The following NAV3 variants were observed in gnomAD, a reference collection of about 807,000 sequenced individuals.
NAV3 encodes pore membrane and/or filament interacting like protein 1.
Under a neutral mutation model 244.7 loss-of-function variants are expected in NAV3, and 87 were observed. That is an observed-to-expected ratio of 0.36 (90% CI 0.30 to 0.42). NAV3 has a LOEUF of 0.42. Among genes scored for constraint, NAV3 ranks in the 20% least tolerant of loss-of-function variants. NAV3 has a pLI of 1.00. For missense variants in NAV3, 2,663 were observed against 2,893.3 expected (o/e 0.92, Z 1.83); for synonymous variants, 1,126 against 1,042.2 (o/e 1.08, Z -1.55).
At chr12:78,003,905 T>A (rs1418332200) in intron 7 of NAV3, among the ~76,000 whole-genome samples, 5 of 152,166 alleles carry the variant, frequency 3.3e-5, no homozygotes, top group African/African-American at 1.2e-4. Context: ...TAAAGTGTCT[T>A]GTGTGATGTT....
At chr12:77,871,798 T>C (rs1881010221) in intron 1 of NAV3, among the ~76,000 whole-genome samples, 1 of 152,212 alleles carries the variant, frequency 6.6e-6, no homozygotes, top group Non-Finnish European at 1.5e-5. Context: ...ATTGGGTACG[T>C]ACCCAGTAAT....
intron 2 of NAV3, among the ~76,000 whole-genome samples, chr12:77,685,258 G>A (rs1220213679): frequency 1.3e-5 from 2 of 152,176 alleles, no homozygotes; most frequent in South Asian, 2.1e-4. Context: ...TAAGCGGTGT[G>A]TAACATGCCA....
rs748614791 is a variant in NAV3 at position 78,118,007 on chromosome 12, T to C, written c.2770-20T>C. ...TAAATTTTTCTACATAAAGTTTTTC[T>C]GTAATATTTGTCTTTATAGCTGAGG... On this transcript the variant is annotated intron_variant, in intron 13 of 39. Coordinates refer to ENST00000397909, the MANE Select transcript of NAV3 (RefSeq NM_001024383.2). 1 of 1,533,434 alleles carries C rather than the reference T, an allele frequency of 6.5e-7. No homozygotes were observed. The highest frequency in any genetic ancestry group is 8.8e-7 in the Non-Finnish European group (1 of 1,137,700). 95.0% of individuals were successfully genotyped at this position (1,533,434 alleles called of 1,614,324 possible). A position where few individuals can be genotyped will look rare whatever the true frequency, so the allele number is the denominator to read the frequency against.
chr12:77,885,239 CTATT>C (rs1377414618), intron 1 of NAV3, among the ~76,000 whole-genome samples: 1 of 152,006 alleles, frequency 6.6e-6, no homozygotes, highest in Admixed American at 6.6e-5. Flanking sequence ...TTGAGTGTCT[CTATT>C]TATGTCACAG....
chr12:78,160,400 C>CTGTGT (rs1565740214), intron 23 of NAV3, among the ~76,000 whole-genome samples: 3 of 139,210 alleles, frequency 2.2e-5, no homozygotes, highest in Non-Finnish European at 4.6e-5. Flanking sequence ...TGTGTGTGTG[C>CTGTGT]GTGCGTGTGT....
At position 77,652,624 on chromosome 12, in the gene NAV3, TGC is replaced by T. The variant is rs148878986; in HGVS notation, c.72+80359_72+80360del. 4.5e-3 allele frequency among the ~76,000 whole-genome samples: 687 copies of T among 152,314 alleles called. 5 individuals are homozygous for T. The highest frequency in any genetic ancestry group is 0.016 in the African/African-American group (661 of 41,572). On this transcript the variant is annotated intron_variant, in intron 2 of 8. Transcript: ENST00000550042. The stretch of plus-strand genomic sequence containing the variant: ...CCCAAATTCATATGTCCAGATTCAT[TGC>T]CATTAAAGACTTAACTAAATACCTG...
chr12:77,871,429 C>T (rs1880937550), intron 1 of NAV3, among the ~76,000 whole-genome samples: 2 of 152,048 alleles, frequency 1.3e-5, no homozygotes, highest in Admixed American at 1.3e-4. Flanking sequence ...TTAATGTTAT[C>T]CCTCCCCTAA....
intron 2 of NAV3, among the ~76,000 whole-genome samples, chr12:77,755,274 G>A (rs1478609544): frequency 1.3e-5 from 2 of 151,808 alleles, no homozygotes; most frequent in African/African-American, 4.8e-5. Context: ...CTAGTTTATA[G>A]CTTTCTAATA....
intron 20 of NAV3, chr12:78,145,018 A>G (rs903209327): frequency 4.2e-5 from 12 of 287,530 alleles, no homozygotes; most frequent in Admixed American, 9.4e-5. Context: ...ACATAGTTAC[A>G]TAGTTAATTG....
At chr12:77,906,976 A>ATC (rs1886049130) in intron 1 of NAV3, among the ~76,000 whole-genome samples, 1 of 152,110 alleles carries the variant, frequency 6.6e-6, no homozygotes. Flanking sequence ...ATCCTGGTCT[A>ATC]TCTATATGGC....
chr12:78,115,586 T>G (rs1343157609), intron 12 of NAV3, among the ~76,000 whole-genome samples: 1 of 152,226 alleles, frequency 6.6e-6, no homozygotes, highest in African/African-American at 2.4e-5. Context: ...AAATAAGTAG[T>G]CATGTGCCAC....
At chr12:77,691,749 C>A (rs1875043388) in intron 2 of NAV3, among the ~76,000 whole-genome samples, 1 of 151,318 alleles carries the variant, frequency 6.6e-6, no homozygotes, top group African/African-American at 2.4e-5. Context: ...AGTTGATTTC[C>A]TCATATCATA....
chr12:77,744,461 G>C (rs1868433937), intron 2 of NAV3, among the ~76,000 whole-genome samples: 1 of 151,876 alleles, frequency 6.6e-6, no homozygotes, highest in Non-Finnish European at 1.5e-5. Context: ...AATGGAATAT[G>C]AAAGACTGGA....
chr12:77,875,649 T>C (rs925997645), intron 1 of NAV3, among the ~76,000 whole-genome samples: 3 of 149,036 alleles, frequency 2.0e-5, no homozygotes, highest in Non-Finnish European at 4.5e-5. Context: ...TCTAAAGAGA[T>C]AGCATTTTTA....
At chr12:77,800,552 T>C (rs1871653439) in intron 2 of NAV3, among the ~76,000 whole-genome samples, 2 of 152,138 alleles carry the variant, frequency 1.3e-5, no homozygotes, top group Non-Finnish European at 2.9e-5. Flanking sequence ...CGAAAGAAAA[T>C]AGACATTTTG....
intron 2 of NAV3, among the ~76,000 whole-genome samples, chr12:77,742,179 G>T (rs1302430715): frequency 6.6e-6 from 1 of 151,848 alleles, no homozygotes; most frequent in Non-Finnish European, 1.5e-5. Flanking sequence ...TCTTAGGTTT[G>T]CTTTTTTTTC....
chr12:78,109,968 T>G (rs1223983422), intron 12 of NAV3, among the ~76,000 whole-genome samples: 1 of 151,874 alleles, frequency 6.6e-6, no homozygotes, highest in Non-Finnish European at 1.5e-5. Context: ...GCAAAAGAAA[T>G]AAAAAGTATC....
chr12:77,670,897 T>G (rs1055160775), intron 2 of NAV3, among the ~76,000 whole-genome samples: 2 of 152,100 alleles, frequency 1.3e-5, no homozygotes, highest in African/African-American at 4.8e-5. Context: ...ATGGGTACTT[T>G]CACCACTTGT....
intron 2 of NAV3, among the ~76,000 whole-genome samples, chr12:77,644,695 G>A (rs1175205381): frequency 6.6e-6 from 1 of 151,922 alleles, no homozygotes; most frequent in Non-Finnish European, 1.5e-5. Context: ...TTTTTGACGT[G>A]GGGCATGTTT....
Sources: gnomAD v4.1 joint callset for allele counts (sites outside exome capture counted in the v4.1 genomes callset) on GRCh38, gnomAD v4.1.1 for gene constraint, MANE v1.5 for transcripts, NCBI Gene and HGNC (gene_info 2026-07-23, HGNC 2026-07-21) for gene names.